The following AFDN variants were observed in gnomAD, a reference collection of about 807,000 sequenced individuals.
AFDN encodes the protein afadin, adherens junction formation factor.
In AFDN, 68 loss-of-function variants were observed where a neutral mutation model predicts 216.6. That is an observed-to-expected ratio of 0.31 (90% confidence interval 0.26 to 0.38). The LOEUF is 0.38. Among genes scored for constraint, AFDN ranks in the 10% least tolerant of loss-of-function variants. The pLI is 1.00. For missense variants in AFDN, 2,136 were observed against 2,342.0 expected, an observed-to-expected ratio of 0.91 and a Z score of 1.82; for synonymous variants, 868 against 853.7, an observed-to-expected ratio of 1.02 and a Z score of -0.29.
chr6:167,860,360 G>T (rs1023939918), intron 1 of AFDN, among the ~76,000 whole-genome samples: 1 of 151,966 alleles, frequency 6.6e-6, no homozygotes, highest in African/African-American at 2.4e-5. Context: ...TTGTTATTGG[G>T]CATCTTGACT....
At chr6:167,856,946 A>G (rs1396585437) in intron 1 of AFDN, among the ~76,000 whole-genome samples, 4 of 152,118 alleles carry the variant, frequency 2.6e-5, no homozygotes, top group Non-Finnish European at 4.4e-5. Context: ...ATATGATGGC[A>G]TATATTTATA....
At chr6:167,908,873 A>G (rs1468779113) in intron 13 of AFDN, among the ~76,000 whole-genome samples, 1 of 152,194 alleles carries the variant, frequency 6.6e-6, no homozygotes, top group Non-Finnish European at 1.5e-5. Flanking sequence ...GTGTTATAAT[A>G]AGCACTACTT....
intron 9 of AFDN, among the ~76,000 whole-genome samples, chr6:167,894,184 G>C (rs1337217496): frequency 6.6e-6 from 1 of 152,110 alleles, no homozygotes; most frequent in African/African-American, 2.4e-5. Context: ...GTGGAGGGAT[G>C]CTGGGGAGTA....
chr6:167,918,515 A>G (rs1179382526), intron 20 of AFDN, among the ~76,000 whole-genome samples: 2 of 152,196 alleles, frequency 1.3e-5, no homozygotes, highest in African/African-American at 4.8e-5. Context: ...TGGTTCATCT[A>G]TAAAATGTGT....
At chr6:167,855,791 A>G (rs1782826915) in intron 1 of AFDN, among the ~76,000 whole-genome samples, 1 of 152,122 alleles carries the variant, frequency 6.6e-6, no homozygotes, top group Non-Finnish European at 1.5e-5. Flanking sequence ...ATTGTAGTGG[A>G]TAATACAACA....
intron 27 of AFDN, among the ~76,000 whole-genome samples, 194 bp from the exon 28 acceptor site, chr6:167,947,658 GC>G (rs1398028248): frequency 2.0e-5 from 3 of 151,958 alleles, no homozygotes; most frequent in Non-Finnish European, 4.4e-5. Context: ...GTAGCTCTGG[GC>G]TCTGATTATT....
chr6:167,857,713 A>G (rs1413694300), intron 1 of AFDN, among the ~76,000 whole-genome samples: 1 of 152,128 alleles, frequency 6.6e-6, no homozygotes, highest in Admixed American at 6.6e-5. Flanking sequence ...TATGAACCTG[A>G]ACCAACTGTA....
intron 23 of AFDN, among the ~76,000 whole-genome samples, chr6:167,937,668 A>G (rs1334841710): frequency 6.6e-6 from 1 of 152,274 alleles, no homozygotes; most frequent in Non-Finnish European, 1.5e-5. Context: ...TGAATATATA[A>G]GAAAATAGAA....
intron 23 of AFDN, among the ~76,000 whole-genome samples, chr6:167,926,724 CT>C (rs1194936703): frequency 6.6e-6 from 1 of 152,240 alleles, no homozygotes; most frequent in African/African-American, 2.4e-5. Context: ...TTGTGTCCTA[CT>C]TTGCAAGGAC....
intron 23 of AFDN, among the ~76,000 whole-genome samples, chr6:167,931,910 G>A (rs1793352528): frequency 6.6e-6 from 1 of 152,122 alleles, no homozygotes; most frequent in Admixed American, 6.5e-5. Flanking sequence ...CCTGCCACTG[G>A]CAGCCTTGGA....
chr6:167,917,333 A>C (rs1030045682), intron 20 of AFDN, 101 bp downstream of exon 20: 6 of 1,200,602 alleles, frequency 5.0e-6, no homozygotes, highest in Non-Finnish European at 4.5e-6. Context: ...ACGTTAACTT[A>C]TTTATTCTCA....
At position 167,951,910 on chromosome 6, in the gene AFDN, C is replaced by T; in HGVS notation, c.4556C>T (p.Ser1519Phe). 6.2e-7 allele frequency: 1 copy of T among 1,614,088 alleles called. No individual in the cohort carries two copies. The highest frequency in any genetic ancestry group is 1.3e-5 in the African/African-American group (1 of 75,026). ...GAGCTTTCCTCGGGGGACAGTCTGT[C>T]CCCCGACCCGTGGAAGCGGGACGCC... ...KEELSSGDSLSPDPWKRDAKE... is the reference protein window; with the variant it reads ...KEELSSGDSLFPDPWKRDAKE... Residue 1519 changes from serine (S) to phenylalanine (F), a missense_variant, in exon 30 of 34, where the codon TCC becomes TTC. Coordinates refer to ENST00000683244, the MANE Select transcript of AFDN (RefSeq NM_001386888.1). The surrounding 1 kb of genome is among the most constrained non-coding windows in gnomAD (Gnocchi z 7.1).
At chr6:167,869,787 T>C (rs1214797387) in intron 2 of AFDN, among the ~76,000 whole-genome samples, 1 of 152,174 alleles carries the variant, frequency 6.6e-6, no homozygotes, top group Non-Finnish European at 1.5e-5. Context: ...AGAAGTAATA[T>C]ACCAAACATA....
chr6:167,858,164 C>T (rs1344655097), intron 1 of AFDN, among the ~76,000 whole-genome samples: 1 of 152,154 alleles, frequency 6.6e-6, no homozygotes, highest in East Asian at 1.9e-4. Context: ...GGGTAGATTT[C>T]TAATTCCAGT....
intron 1 of AFDN, among the ~76,000 whole-genome samples, chr6:167,845,535 T>C (rs1274615052): frequency 1.3e-5 from 2 of 152,064 alleles, no homozygotes; most frequent in Non-Finnish European, 1.5e-5. Flanking sequence ...GTAGCTGGGA[T>C]TACAGGCAGA....
chr6:167,895,955 C>T (rs1184050692), intron 9 of AFDN, among the ~76,000 whole-genome samples: 1 of 152,178 alleles, frequency 6.6e-6, no homozygotes, highest in Non-Finnish European at 1.5e-5. Flanking sequence ...CTAAGCTCTG[C>T]AGTTACATCA....
In AFDN at chr6:167,948,416, C is replaced by G. The variant is rs1795585567; in HGVS notation, c.3769C>G (p.Pro1257Ala). 6.2e-7 allele frequency: 1 copy of G among 1,613,976 alleles called. No homozygotes were observed. The highest frequency in any genetic ancestry group is 1.1e-5 in the South Asian group (1 of 91,074). ...GATGGCTCCTCCTCAGAACCAGTGG[C>G]CAAATTATGAGGAAAAGCCACATAT... ...DRMAPPQNQWPNYEEKPHMHT... is the reference protein window; with the variant it reads ...DRMAPPQNQWANYEEKPHMHT... Residue 1257 changes from proline (P) to alanine (A), a missense_variant, in exon 29 of 34, where the codon CCA becomes GCA. Around this residue, in one of 8 missense-constraint regions of AFDN, gnomAD observed 981 missense variants for 966.0 expected, o/e 1.02. Coordinates refer to ENST00000683244, the MANE Select transcript of AFDN (RefSeq NM_001386888.1).
chr6:167,962,473 A>G lies in AFDN; in HGVS notation c.4874A>G (p.Glu1625Gly). The G allele has an allele frequency of 1.2e-6, 2 of 1,613,744 alleles. No homozygotes were observed. The highest frequency in any genetic ancestry group is 1.3e-5 in the African/African-American group (1 of 75,008). Residue 1625 changes from glutamate to glycine, a missense_variant, in exon 31 of 34, where the codon GAG (glutamate) becomes GGG (glycine). This residue lies in a region of AFDN where 981 missense variants were observed against 966.0 expected (regional missense o/e 1.02). Transcript: ENST00000683244. This position sits in a 1 kb window ranked among gnomAD's most constrained non-coding sequence, Gnocchi z 5.2. The part of the protein sequence containing the change: ...EERRRQQQLE[E>G]MRKREAEDRA... ...CGGAGGCGGCAGCAGCAGTTAGAAG[A>G]GATGCGCAAGCGGGAAGCGGAAGAC...
chr6:167,950,904 C>T (rs1795902561), intron 29 of AFDN, among the ~76,000 whole-genome samples: 1 of 150,614 alleles, frequency 6.6e-6, no homozygotes, highest in Non-Finnish European at 1.5e-5. Context: ...ACTATGTTAC[C>T]CAGGCTGGTC....
Sources: gnomAD v4.1 joint callset for allele counts (sites outside exome capture counted in the v4.1 genomes callset) on GRCh38, gnomAD v4.1.1 for gene constraint, gnomAD v4.1.1 regional missense constraint, Gnocchi (gnomAD v3.1) non-coding constraint, MANE v1.5 for transcripts, NCBI Gene and HGNC (gene_info 2026-07-23, HGNC 2026-07-21) for gene names.